SLF1: variants seen among roughly 807,000 people sequenced by gnomAD.
The protein encoded by SLF1 is SMC5-SMC6 complex localization factor protein 1.
SLF1 carries 105 observed loss-of-function variants against 123.0 expected under a neutral mutation model. That is an observed-to-expected ratio of 0.85 (90% CI 0.73 to 1.00). The LOEUF (loss-of-function observed/expected upper bound fraction) is 1.00, where lower values mean the gene tolerates loss of function less well. Ranked by LOEUF, SLF1 falls within the 50% of genes least tolerant of loss-of-function variation. SLF1 has a pLI of 0.00. For synonymous variants in SLF1, 434 were observed against 406.6 expected (o/e 1.07, Z -0.81); for missense variants, 1,239 against 1,223.0 (o/e 1.01, Z -0.20).
intron 5 of SLF1, among the ~76,000 whole-genome samples, chr5:94,648,403 C>T (rs1747304821): frequency 6.6e-6 from 1 of 152,078 alleles, no homozygotes; most frequent in East Asian, 1.9e-4. Context: ...GGCCTTAACA[C>T]GTTTTGTTTT....
At chr5:94,685,233 A>G (rs1450758360) in intron 15 of SLF1, among the ~76,000 whole-genome samples, 1 of 152,232 alleles carries the variant, frequency 6.6e-6, no homozygotes, top group African/African-American at 2.4e-5. Flanking sequence ...GCCAGCTTTT[A>G]TGCCTTATAC....
intron 5 of SLF1, among the ~76,000 whole-genome samples, chr5:94,646,287 T>G (rs1029801284): frequency 2.0e-5 from 3 of 152,142 alleles, no homozygotes; most frequent in Admixed American, 6.6e-5. Context: ...TAAAAAAGTT[T>G]TGTTTAACCC....
chr5:94,683,514 G>T (rs780798642), intron 15 of SLF1, among the ~76,000 whole-genome samples: 1 of 152,184 alleles, frequency 6.6e-6, no homozygotes, highest in African/African-American at 2.4e-5. Context: ...ACTAGGTGTT[G>T]AGATTGGTGA....
At chr5:94,660,651 C>A (rs1302808083) in intron 9 of SLF1, among the ~76,000 whole-genome samples, 1 of 152,176 alleles carries the variant, frequency 6.6e-6, no homozygotes, top group Non-Finnish European at 1.5e-5. Context: ...CTTGTGGGCA[C>A]CAGTGGCAGG....
At position 94,631,979 on chromosome 5, in the gene SLF1, TTTTTTTTTTC is replaced by T. The variant is rs1347615436; in HGVS notation, c.431+1237_431+1246del. 9.3e-4 allele frequency among the ~76,000 whole-genome samples: 115 copies of T among 124,204 alleles called. 1 individual carries two copies. The highest frequency in any genetic ancestry group is 3.2e-3 in the African/African-American group (110 of 34,046). The allele number at this position is 124,204 out of a possible 152,430, so 81.5% of individuals were successfully genotyped here. A position where few individuals can be genotyped will look rare whatever the true frequency, so the allele number is the denominator to read the frequency against. ...AAATTTTTTTTTCTTTCTTTTTTTT[TTTTTTTTTTC>T]CAAATTAAATTAGCCAGGCTTGGTG... is the stretch of plus-strand genomic sequence containing the variant. On this transcript the variant is annotated intron_variant, in intron 4 of 20. Transcript: ENST00000265140.
chr5:94,650,461 C>T (rs1461309894), intron 6 of SLF1, among the ~76,000 whole-genome samples: 1 of 150,534 alleles, frequency 6.6e-6, no homozygotes, highest in African/African-American at 2.4e-5. Flanking sequence ...CTCCTGGGTT[C>T]ACGCCATTCT....
intron 1 of SLF1, among the ~76,000 whole-genome samples, chr5:94,619,107 C>G (rs1390217959): frequency 6.6e-6 from 1 of 152,130 alleles, no homozygotes; most frequent in Non-Finnish European, 1.5e-5. Context: ...CGGCCCGCCG[C>G]CTGGAAGGCG....
At position 94,653,187 on chromosome 5, in the gene SLF1, G is replaced by A. The variant is rs564931089; in HGVS notation, c.883-85G>A. On this transcript the variant is annotated intron_variant, in intron 7 of 20. Coordinates refer to ENST00000265140, the MANE Select transcript of SLF1 (RefSeq NM_032290.4). ...TCTTTATTTTTTAATGTGTATGAAA[G>A]TATGAAAGTCACTCTTGAGTTTATT... The A allele has an allele frequency of 6.3e-4, 805 of 1,280,852 alleles. 6 individuals are homozygous for A. Among genetic ancestry groups the A allele is most frequent in the South Asian group, 6.1e-3 (410 of 67,358 alleles). The allele number at this position is 1,280,852 out of a possible 1,614,324, so 79.3% of individuals were successfully genotyped here. A position where few individuals can be genotyped will look rare whatever the true frequency, so the allele number is the denominator to read the frequency against.
At chr5:94,673,399 G>A (rs1373377045) in intron 14 of SLF1, among the ~76,000 whole-genome samples, 1 of 151,996 alleles carries the variant, frequency 6.6e-6, no homozygotes, top group Non-Finnish European at 1.5e-5. Context: ...TTGAGGCCGG[G>A]TGCAGTGGTT....
At position 94,688,526 on chromosome 5, in the gene SLF1, C is replaced by T; in HGVS notation, c.2142C>T (p.Ala714=). 6.2e-7 allele frequency: 1 copy of T among 1,613,828 alleles called. No individual in the cohort carries two copies. Among genetic ancestry groups the T allele is most frequent in the Non-Finnish European group, 8.5e-7 (1 of 1,179,894 alleles). Residue 714 remains alanine (A), a synonymous_variant, in exon 17 of 21, where the codon GCC becomes GCT. Transcript: ENST00000265140. The part of the protein sequence containing the change: ...LQKMVYSYLP[A]LGKTGVLGSG... ...AACAGGTATATTCCTATTTACCAGC[C>T]TTGGGGAAAACTGGTGTGCTTGGGT... is the stretch of plus-strand genomic sequence containing the variant.
At chr5:94,649,011 G>C (rs550263956) in intron 5 of SLF1, among the ~76,000 whole-genome samples, 1 of 152,292 alleles carries the variant, frequency 6.6e-6, no homozygotes, top group Admixed American at 6.5e-5. Context: ...TCAAGTAAGA[G>C]TATTGTGTAA....
At chr5:94,647,830 G>A (rs2152476847) in intron 5 of SLF1, among the ~76,000 whole-genome samples, 1 of 152,300 alleles carries the variant, frequency 6.6e-6, no homozygotes, top group East Asian at 1.9e-4. Context: ...ACTTTCAAAT[G>A]TTATACCTTC....
chr5:94,669,112 A>T (rs1750145460), intron 12 of SLF1, among the ~76,000 whole-genome samples: 1 of 152,174 alleles, frequency 6.6e-6, no homozygotes, highest in African/African-American at 2.4e-5. Flanking sequence ...GGAGGTGCTT[A>T]GGGAAGTGGT....
intron 1 of SLF1, among the ~76,000 whole-genome samples, chr5:94,624,640 AATTT>A (rs1792071974): frequency 6.6e-6 from 1 of 152,178 alleles, no homozygotes; most frequent in Non-Finnish European, 1.5e-5. Context: ...AGAATAATAA[AATTT>A]AAAGGACAAG....
In SLF1 at chr5:94,653,485, T is replaced by A. The variant is rs1448586560; in HGVS notation, c.1032+64T>A. ...TTTTTGGCTGTTCTCTGATATAATC[T>A]AGATATATAATGCTACATGTTTTAA... On this transcript the variant is annotated intron_variant, in intron 8 of 20. Transcript: ENST00000265140. The A allele has an allele frequency of 1.7e-5, 22 of 1,310,322 alleles. No homozygotes were observed. The South Asian group carries it at 2.8e-4, about 17-fold the overall frequency. 81.2% of individuals were successfully genotyped at this position (1,310,322 alleles called of 1,614,324 possible). A position where few individuals can be genotyped will look rare whatever the true frequency, so the allele number is the denominator to read the frequency against.
chr5:94,686,634 G>C lies in SLF1; in HGVS notation c.2037G>C (p.Met679Ile). Reference protein sequence around the residue: ...ICSFSSSWLQMFVAEAVFKKL... With the variant: ...ICSFSSSWLQIFVAEAVFKKL... ...CCTTTTCCTCCTCCTGGCTTCAAAT[G>C]TTTGTTGCAGAGGCAGTCTTTAAAA... is the stretch of plus-strand genomic sequence containing the variant. Residue 679 changes from methionine (M) to isoleucine (I), a missense_variant, in exon 16 of 21, where the codon ATG becomes ATC. Coordinates refer to ENST00000265140, the MANE Select transcript of SLF1 (RefSeq NM_032290.4). 11 of 1,614,048 alleles carry C rather than the reference G, an allele frequency of 6.8e-6. No individual in the cohort carries two copies. Among genetic ancestry groups the C allele is most frequent in the Non-Finnish European group, 9.3e-6 (11 of 1,179,948 alleles).
At chr5:94,679,670 C>T (rs1751536686) in intron 15 of SLF1, among the ~76,000 whole-genome samples, 1 of 151,816 alleles carries the variant, frequency 6.6e-6, no homozygotes, top group African/African-American at 2.4e-5. Flanking sequence ...AAGAAATGAA[C>T]ATGGATGAAG....
Position 94,651,827 on chromosome 5 carries a change from C to G in SLF1, c.864C>G (p.Ser288Arg). 7.0e-7 allele frequency: 1 copy of G among 1,426,546 alleles called. No homozygotes were observed. Among genetic ancestry groups the G allele is most frequent in the Non-Finnish European group, 9.4e-7 (1 of 1,068,100 alleles). 88.4% of individuals were successfully genotyped at this position (1,426,546 alleles called of 1,614,324 possible). A position where few individuals can be genotyped will look rare whatever the true frequency, so the allele number is the denominator to read the frequency against. The change falls in exon 7 of 21, where the codon AGC (serine) becomes AGG (arginine). Residue 288 changes from serine (S) to arginine (R), a missense_variant. Physicochemically the swap from Ser to Arg is moderately radical, Grantham distance 110 (BLOSUM62 -1). Transcript: ENST00000265140. ...KFVKMRNTFG[S>R]HTYENQKEIK... Reference sequence around the variant, plus strand: ...TTAAAATGAGAAATACCTTTGGAAGCCATACATATGAAAATCAGGTACAAC... The same window carrying G: ...TTAAAATGAGAAATACCTTTGGAAGGCATACATATGAAAATCAGGTACAAC...
rs376713679 is a variant in SLF1 at position 94,694,702 on chromosome 5, C to T, written c.2696-129C>T. On this transcript the variant is annotated intron_variant, in intron 20 of 20. Coordinates refer to ENST00000265140, the MANE Select transcript of SLF1 (RefSeq NM_032290.4). ...TATATATATAGTCAGTTAATTGTGTCGACATGAATTAATACAAAATATGAT... is the reference window on the plus strand; with the variant it reads ...TATATATATAGTCAGTTAATTGTGTTGACATGAATTAATACAAAATATGAT... 328 of 1,190,830 alleles carry T rather than the reference C, an allele frequency of 2.8e-4. 3 individuals carry two copies. In the African/African-American group the frequency reaches 4.2e-3, roughly 15 times the overall value. The allele number at this position is 1,190,830 out of a possible 1,614,324, so 73.8% of individuals were successfully genotyped here.
Sources: gnomAD v4.1 joint callset for allele counts (sites outside exome capture counted in the v4.1 genomes callset) on GRCh38, gnomAD v4.1.1 for gene constraint, MANE v1.5 for transcripts, NCBI Gene and HGNC (gene_info 2026-07-23, HGNC 2026-07-21) for gene names.